The following NCAM2 variants were observed in gnomAD, a reference collection of about 807,000 sequenced individuals.
NCAM2 encodes neural cell adhesion molecule 2.
In NCAM2, 30 loss-of-function variants were observed where a neutral mutation model predicts 98.1. That is an observed-to-expected ratio of 0.31 (90% confidence interval 0.23 to 0.41). The LOEUF is 0.41. Among genes scored for constraint, NCAM2 ranks in the 10% least tolerant of loss-of-function variants. NCAM2 has a pLI of 1.00. For missense variants in NCAM2, 867 were observed against 1,005.8 expected (o/e 0.86, Z 1.87); for synonymous variants, 368 against 342.4 (o/e 1.07, Z -0.83).
intron 1 of NCAM2, among the ~76,000 whole-genome samples, chr21:21,091,244 A>G (rs543364843): frequency 4.2e-4 from 64 of 152,258 alleles, no homozygotes; most frequent in African/African-American, 1.5e-3. Flanking sequence ...TGATTTTATT[A>G]TGTAATTATA....
chr21:21,010,239 A>G (rs1322865635), intron 1 of NCAM2, among the ~76,000 whole-genome samples: 1 of 152,138 alleles, frequency 6.6e-6, no homozygotes, highest in East Asian at 1.9e-4. Flanking sequence ...ACGCTATGTT[A>G]ATGCATTTTA....
chr21:21,374,072 A>G, intron 9 of NCAM2, 59 bp downstream of exon 9: 1 of 1,532,706 alleles, frequency 6.5e-7, no homozygotes, highest in Non-Finnish European at 8.8e-7. Flanking sequence ...GAAACATATG[A>G]TTTTTCAATA....
At chr21:21,537,258 G>C (rs1602585512) in intron 17 of NCAM2, among the ~76,000 whole-genome samples, 1 of 151,882 alleles carries the variant, frequency 6.6e-6, no homozygotes, top group Admixed American at 6.6e-5. Context: ...TTTTGGCCAG[G>C]CTGGTCTTGA....
intron 12 of NCAM2, among the ~76,000 whole-genome samples, chr21:21,451,904 T>C (rs1299939399): frequency 6.6e-6 from 1 of 152,018 alleles, no homozygotes; most frequent in Non-Finnish European, 1.5e-5. Flanking sequence ...CTGTCCATGG[T>C]AGTGTTGTCT....
At chr21:21,350,169 T>C (rs538865971) in intron 8 of NCAM2, among the ~76,000 whole-genome samples, 21 of 152,208 alleles carry the variant, frequency 1.4e-4, no homozygotes, top group Admixed American at 2.6e-4. Context: ...AAACATCTCA[T>C]GTACCCCACA....
rs774863313 is a variant in NCAM2 at position 21,538,212 on chromosome 21, A to G, written c.*255A>G. 2.4e-5 allele frequency: 6 copies of G among 247,506 alleles called. No individual in the cohort carries two copies. Among genetic ancestry groups the G allele is most frequent in the Non-Finnish European group, 4.6e-5 (6 of 129,238 alleles). The allele number at this position is 247,506 out of a possible 1,614,324, so 15.3% of individuals were successfully genotyped here. A position where few individuals can be genotyped will look rare whatever the true frequency, so the allele number is the denominator to read the frequency against. On this transcript the variant is annotated 3_prime_UTR_variant, in exon 18 of 18. Coordinates refer to ENST00000400546, the MANE Select transcript of NCAM2 (RefSeq NM_004540.5). ...GACTGGCACCAACACTTTGGTATTC[A>G]ATTTGATTCTATGACTGAAGTACTG...
intron 1 of NCAM2, among the ~76,000 whole-genome samples, chr21:21,137,875 G>A (rs2146642022): frequency 1.3e-5 from 2 of 151,034 alleles, no homozygotes; most frequent in South Asian, 4.2e-4. Flanking sequence ...TCTTCTTTGT[G>A]TTCCTTGTAT....
chr21:21,324,967 T>C (rs1038214408), intron 6 of NCAM2, among the ~76,000 whole-genome samples: 50 of 144,022 alleles, frequency 3.5e-4, no homozygotes, highest in African/African-American at 1.3e-3. Context: ...TCAATGAATT[T>C]AATGTGTAAT....
chr21:21,240,148 T>A (rs896256192), intron 1 of NCAM2, among the ~76,000 whole-genome samples: 3 of 152,142 alleles, frequency 2.0e-5, no homozygotes, highest in Non-Finnish European at 4.4e-5. Flanking sequence ...TGAAGAAATG[T>A]TAAGAGCAAG....
At chr21:21,358,046 A>G (rs2075542254) in intron 8 of NCAM2, among the ~76,000 whole-genome samples, 1 of 152,164 alleles carries the variant, frequency 6.6e-6, no homozygotes, top group African/African-American at 2.4e-5. Context: ...AGATAATAGC[A>G]TGCATTACAT....
intron 16 of NCAM2, among the ~76,000 whole-genome samples, chr21:21,509,680 G>A (rs1988238650): frequency 6.6e-6 from 1 of 151,872 alleles, no homozygotes; most frequent in Non-Finnish European, 1.5e-5. Flanking sequence ...TATGTAGATC[G>A]ATTTTTTAGA....
intron 8 of NCAM2, among the ~76,000 whole-genome samples, chr21:21,348,917 C>A (rs918936633): frequency 3.3e-5 from 5 of 152,106 alleles, no homozygotes; most frequent in Non-Finnish European, 4.4e-5. Context: ...CTGTCTCTCA[C>A]CAAACACAAA....
chr21:21,244,543 T>C (rs946840419), intron 1 of NCAM2, among the ~76,000 whole-genome samples: 1 of 152,114 alleles, frequency 6.6e-6, no homozygotes, highest in African/African-American at 2.4e-5. Context: ...GCCAAAATTA[T>C]ATATAGGCCA....
intron 8 of NCAM2, among the ~76,000 whole-genome samples, chr21:21,355,933 A>T (rs2075467408): frequency 1.3e-5 from 2 of 152,276 alleles, no homozygotes; most frequent in Admixed American, 1.3e-4. Flanking sequence ...AAGTAGGGAT[A>T]GTCACCTTTA....
intron 10 of NCAM2, 101 bp from the exon 11 acceptor site, chr21:21,418,372 G>GT: frequency 1.2e-6 from 1 of 810,026 alleles, no homozygotes; most frequent in East Asian, 2.5e-5. Flanking sequence ...GAGTTGTTGG[G>GT]TAAAAAATGA....
intron 5 of NCAM2, among the ~76,000 whole-genome samples, chr21:21,321,517 G>C (rs1393791818): frequency 6.6e-6 from 1 of 151,948 alleles, no homozygotes; most frequent in Non-Finnish European, 1.5e-5. Context: ...TATGTCCTAA[G>C]TTTTTTTTAT....
intron 9 of NCAM2, among the ~76,000 whole-genome samples, chr21:21,407,481 T>G (rs934137030): frequency 2.0e-5 from 3 of 152,122 alleles, no homozygotes; most frequent in Non-Finnish European, 2.9e-5. Flanking sequence ...AAACAACAAA[T>G]CTTACCCTCA....
At chr21:21,080,061 T>G (rs2033403737) in intron 1 of NCAM2, among the ~76,000 whole-genome samples, 1 of 149,846 alleles carries the variant, frequency 6.7e-6, no homozygotes. Flanking sequence ...AGATCTCAAG[T>G]GTTCTTATAC....
chr21:21,331,736 G>A (rs1017247211), intron 6 of NCAM2, among the ~76,000 whole-genome samples: 7 of 142,566 alleles, frequency 4.9e-5, no homozygotes, highest in East Asian at 4.3e-4. Flanking sequence ...ACACAGGCAC[G>A]TGCCACCACA....
Sources: allele counts gnomAD v4.1 joint callset (sites outside exome capture counted in the v4.1 genomes callset), GRCh38; gene constraint gnomAD v4.1.1; transcripts MANE v1.5; gene names NCBI Gene and HGNC (gene_info 2026-07-23, HGNC 2026-07-21).